LAMA3: variants seen among roughly 807,000 people sequenced by gnomAD.
LAMA3 encodes the protein laminin subunit alpha 3, also known as laminin subunit alpha-3.
Under a neutral mutation model 402.0 loss-of-function variants are expected in LAMA3, and 281 were observed. The observed-to-expected ratio is 0.70, with a 90% CI of 0.63 to 0.77. The LOEUF (loss-of-function observed/expected upper bound fraction) is 0.77, where lower values mean the gene tolerates loss of function less well. Among genes scored for constraint, LAMA3 ranks in the 30% least tolerant of loss-of-function variants. The probability of loss-of-function intolerance (pLI) is 0.00; values close to 1 mark genes in which losing one functional copy is unlikely to be tolerated. For missense variants in LAMA3, 3,840 were observed against 4,215.5 expected (o/e 0.91, Z 2.47); for synonymous variants, 1,431 against 1,558.4 (o/e 0.92, Z 1.93).
intron 42 of LAMA3, among the ~76,000 whole-genome samples, chr18:23,893,875 A>T (rs2080779477): frequency 6.6e-6 from 1 of 152,258 alleles, no homozygotes; most frequent in African/African-American, 2.4e-5. Context: ...AAGCAGCATG[A>T]ACATACAAGA....
chr18:23,770,078 G>A (rs1334968164), intron 8 of LAMA3, among the ~76,000 whole-genome samples: 1 of 152,090 alleles, frequency 6.6e-6, no homozygotes, highest in Non-Finnish European at 1.5e-5. Flanking sequence ...TCTAACAATA[G>A]AGCTTTAAAA....
chr18:23,952,709 A>G (rs2083600123), intron 73 of LAMA3, among the ~76,000 whole-genome samples: 1 of 152,220 alleles, frequency 6.6e-6, no homozygotes, highest in Admixed American at 6.5e-5. Flanking sequence ...TAACCAAGCC[A>G]TCTTGTCAGG....
Position 23,751,083 on chromosome 18 carries a change from C to T in LAMA3, c.850C>T (p.Arg284Trp), listed in dbSNP as rs755110132. 7 of 1,614,064 alleles carry T rather than the reference C, an allele frequency of 4.3e-6. No homozygotes were observed. The highest frequency in any genetic ancestry group is 1.7e-5 in the Admixed American group (1 of 60,014). The change falls in exon 5 of 75, where the codon CGG becomes TGG. Residue 284 changes from arginine to tryptophan, a missense_variant. Physicochemically the swap from Arg to Trp is moderately radical, Grantham distance 101. Transcript: ENST00000313654. ...AGCCCAGCGAGATCCAACTGTCACT[C>T]GGCGGGTGAGTAGTCAGAGCATTTG... ...SKAQRDPTVT[R>W]RYYYSIKDIS...
In LAMA3 at chr18:23,822,435, C is replaced by T. The variant is rs148144807; in HGVS notation, c.2428+60C>T. ...CAATTAAGAAATAAATAGTGAAACACTTTCTCTGATTTTCACAAAGTTGAT... is the reference window on the plus strand; with the variant it reads ...CAATTAAGAAATAAATAGTGAAACATTTTCTCTGATTTTCACAAAGTTGAT... On this transcript the variant is annotated intron_variant, in intron 20 of 74. Coordinates refer to ENST00000313654, the MANE Select transcript of LAMA3 (RefSeq NM_198129.4). The T allele has an allele frequency of 1.6e-3, 2,439 of 1,550,772 alleles. 4 individuals are homozygous for T. The highest frequency in any genetic ancestry group is 3.9e-3 in the Middle Eastern group (23 of 5,942).
At chr18:23,726,602 C>T (rs976278731) in intron 2 of LAMA3, among the ~76,000 whole-genome samples, 3 of 152,106 alleles carry the variant, frequency 2.0e-5, no homozygotes, top group Non-Finnish European at 2.9e-5. Flanking sequence ...ACACAAGCCC[C>T]TGTTTATTTA....
chr18:23,864,617 A>T (rs1378971962), intron 35 of LAMA3, among the ~76,000 whole-genome samples, 168 bp from the exon 36 acceptor site: 1 of 152,198 alleles, frequency 6.6e-6, no homozygotes, highest in Non-Finnish European at 1.5e-5. Context: ...AAATAGCATA[A>T]AGTAGAAAAA....
At chr18:23,720,563 T>C (rs940240039) in intron 2 of LAMA3, among the ~76,000 whole-genome samples, 1 of 152,060 alleles carries the variant, frequency 6.6e-6, no homozygotes, top group African/African-American at 2.4e-5. Context: ...ACCATGTTGA[T>C]CAGGATGATC....
At chr18:23,771,402 G>C (rs992576734) in intron 8 of LAMA3, among the ~76,000 whole-genome samples, 2 of 152,246 alleles carry the variant, frequency 1.3e-5, no homozygotes, top group Non-Finnish European at 2.9e-5. Context: ...TGACTTTGAA[G>C]AGTTGATGAT....
At chr18:23,814,622 T>C in intron 15 of LAMA3, 120 bp downstream of exon 15, 1 of 714,040 alleles carries the variant, frequency 1.4e-6, no homozygotes. Flanking sequence ...CAAGATTCTA[T>C]GTAATGTTCT....
intron 11 of LAMA3, among the ~76,000 whole-genome samples, chr18:23,779,004 A>G (rs1437868875): frequency 2.0e-5 from 3 of 152,192 alleles, no homozygotes; most frequent in Non-Finnish European, 4.4e-5. Flanking sequence ...TGAAGCAGGT[A>G]TAGGAAAGAG....
rs2063138366 is a variant in LAMA3, at chr18:23,814,491, G to A, written c.1877G>A (p.Ser626Asn). Residue 626 changes from serine (S) to asparagine (N), a missense_variant, in exon 15 of 75, where the codon AGT becomes AAT. This residue lies in a region of LAMA3 where 2,109 missense variants were observed against 2,376.0 expected (regional missense o/e 0.89). Coordinates refer to ENST00000313654, the MANE Select transcript of LAMA3 (RefSeq NM_198129.4). ...LYWNLDKENP[S>N]GCSECKCHKA... is the part of the protein sequence containing the mutation. ...TGGAATCTGGACAAAGAAAACCCCAGTGGATGTTCAGGTAGGTTTCTTATA... is the reference window on the plus strand; with the variant it reads ...TGGAATCTGGACAAAGAAAACCCCAATGGATGTTCAGGTAGGTTTCTTATA... 2 of 1,609,776 alleles carry A rather than the reference G, an allele frequency of 1.2e-6. No homozygotes were observed. The highest frequency in any genetic ancestry group is 1.7e-6 in the Non-Finnish European group (2 of 1,176,062).
intron 19 of LAMA3, 136 bp from the exon 20 acceptor site, chr18:23,822,116 T>A (rs2063296601): frequency 1.1e-6 from 1 of 870,444 alleles, no homozygotes; most frequent in Non-Finnish European, 1.9e-6. Flanking sequence ...GTTGACTGAG[T>A]GTGAGTGTGT....
At position 23,949,886 on chromosome 18, in the gene LAMA3, G is replaced by A; in HGVS notation, c.9473G>A (p.Gly3158Asp). The A allele has an allele frequency of 6.2e-7, 1 of 1,613,956 alleles. No individual in the cohort carries two copies. The highest frequency in any genetic ancestry group is 8.5e-7 in the Non-Finnish European group (1 of 1,180,002). Residue 3158 changes from glycine (G) to aspartate (D), a missense_variant, in exon 71 of 75, where the codon GGC becomes GAC. Coordinates refer to ENST00000313654, the MANE Select transcript of LAMA3 (RefSeq NM_198129.4). Reference protein sequence around the residue: ...SSCLGGPLEKGIYFSEEGGHV... With the variant: ...SSCLGGPLEKDIYFSEEGGHV... Reference sequence around the variant, plus strand: ...TGCTTGGGTGGTCCTTTGGAGAAAGGCATTTATTTCTCTGAAGAAGGAGGT... The same window carrying A: ...TGCTTGGGTGGTCCTTTGGAGAAAGACATTTATTTCTCTGAAGAAGGAGGT...
At chr18:23,885,350 AC>A (rs992452539) in intron 41 of LAMA3, among the ~76,000 whole-genome samples, 3 of 75,850 alleles carry the variant, frequency 4.0e-5, no homozygotes, top group Admixed American at 2.6e-4. Context: ...CCCCACCCCC[AC>A]CCCACACACA....
chr18:23,950,551 T>C (rs2082872078), intron 72 of LAMA3, among the ~76,000 whole-genome samples: 1 of 152,220 alleles, frequency 6.6e-6, no homozygotes, highest in Admixed American at 6.5e-5. Context: ...TGCAGCCTCA[T>C]TTTTCCATCA....
chr18:23,885,468 CGGT>C, intron 41 of LAMA3, among the ~76,000 whole-genome samples: 1 of 151,494 alleles, frequency 6.6e-6, no homozygotes, highest in South Asian at 2.1e-4. Context: ...AATAGGTGTT[CGGT>C]AATGTTTGTG....
intron 67 of LAMA3, among the ~76,000 whole-genome samples, chr18:23,936,120 G>T (rs1272979111): frequency 6.6e-6 from 1 of 151,684 alleles, no homozygotes; most frequent in East Asian, 1.9e-4. Context: ...TGTCTAAGAG[G>T]TTAAAAAAAA....
At chr18:23,701,859 C>T (rs927470348) in intron 1 of LAMA3, among the ~76,000 whole-genome samples, 1 of 152,124 alleles carries the variant, frequency 6.6e-6, no homozygotes, top group African/African-American at 2.4e-5. Flanking sequence ...GTGCAAAGAC[C>T]CTGAGGCAGG....
chr18:23,943,454 C>T (rs1256006679), intron 68 of LAMA3, among the ~76,000 whole-genome samples: 1 of 152,150 alleles, frequency 6.6e-6, no homozygotes, highest in African/African-American at 2.4e-5. Context: ...GCGTATTTTA[C>T]CCTAACTTTT....
Sources: allele counts gnomAD v4.1 joint callset (sites outside exome capture counted in the v4.1 genomes callset), GRCh38; gene constraint gnomAD v4.1.1; regional missense constraint gnomAD v4.1.1; transcripts MANE v1.5; gene names NCBI Gene and HGNC (gene_info 2026-07-23, HGNC 2026-07-21).